PTPRT: variants seen among roughly 807,000 people sequenced by gnomAD.
PTPRT encodes protein tyrosine phosphatase receptor type T.
PTPRT carries 56 observed loss-of-function variants against 176.8 expected under a neutral mutation model. That is an observed-to-expected ratio of 0.32 (90% CI 0.26 to 0.40). PTPRT has a LOEUF of 0.40. PTPRT is among the 10% of genes least tolerant of loss of function. The pLI is 1.00. For synonymous variants in PTPRT, 783 were observed against 739.0 expected (o/e 1.06, Z -0.96); for missense variants, 1,540 against 1,908.2 (o/e 0.81, Z 3.60).
At chr20:42,740,720 G>T (rs925167801) in intron 6 of PTPRT, among the ~76,000 whole-genome samples, 1 of 152,200 alleles carries the variant, frequency 6.6e-6, no homozygotes, top group African/African-American at 2.4e-5. Flanking sequence ...GAAATGAGCT[G>T]TGCAAACAGG....
At chr20:42,636,952 A>G (rs1416344797) in intron 7 of PTPRT, among the ~76,000 whole-genome samples, 1 of 152,066 alleles carries the variant, frequency 6.6e-6, no homozygotes, top group African/African-American at 2.4e-5. Context: ...GTTGATATAT[A>G]TGATGAAATA....
At chr20:42,272,141 G>C (rs2056946980) in intron 13 of PTPRT, among the ~76,000 whole-genome samples, 1 of 151,876 alleles carries the variant, frequency 6.6e-6, no homozygotes, top group Non-Finnish European at 1.5e-5. Context: ...TAATGGTGGG[G>C]AAAAAAATGA....
chr20:43,093,748 G>A lies in PTPRT; in HGVS notation c.88+95898C>T, dbSNP rs545794745. On this transcript the variant is annotated intron_variant, in intron 1 of 30. Transcript: ENST00000373187. Reference sequence around the variant, plus strand: ...CCCTAACCATGGCCCTGGAGATGCAGGTGATCTGGCCCCTGTCCCACTCTT... The same window carrying A: ...CCCTAACCATGGCCCTGGAGATGCAAGTGATCTGGCCCCTGTCCCACTCTT... Among the ~76,000 whole-genome samples the A allele has an allele frequency of 2.0e-5, 3 of 152,274 alleles. No homozygotes were observed. In the East Asian group the frequency reaches 5.8e-4, roughly 29 times the overall value.
intron 6 of PTPRT, among the ~76,000 whole-genome samples, chr20:42,721,081 A>T (rs2076295374): frequency 6.6e-6 from 1 of 152,168 alleles, no homozygotes. Context: ...GCACTCCTCC[A>T]AGGAGGTCAG....
intron 7 of PTPRT, among the ~76,000 whole-genome samples, chr20:42,486,237 G>A (rs1486933302): frequency 6.6e-6 from 1 of 152,160 alleles, no homozygotes; most frequent in Non-Finnish European, 1.5e-5. Flanking sequence ...GCCACCAAAT[G>A]ATACTTCTTC....
intron 1 of PTPRT, among the ~76,000 whole-genome samples, chr20:42,921,890 C>G (rs1979167902): frequency 6.6e-6 from 1 of 152,130 alleles, no homozygotes; most frequent in Non-Finnish European, 1.5e-5. Flanking sequence ...GCATTGATGG[C>G]TCCCTCCTCC....
At chr20:42,710,705 G>A (rs1170396095) in intron 6 of PTPRT, among the ~76,000 whole-genome samples, 2 of 152,236 alleles carry the variant, frequency 1.3e-5, no homozygotes, top group East Asian at 3.9e-4. Context: ...TTCCCCACCA[G>A]GGTACTGCAC....
intron 6 of PTPRT, among the ~76,000 whole-genome samples, chr20:42,690,409 G>A (rs1222017912): frequency 6.6e-6 from 1 of 152,184 alleles, no homozygotes; most frequent in East Asian, 1.9e-4. Context: ...CTCAAGTAAT[G>A]GCCACGGGGC....
At chr20:43,180,776 C>T (rs772131515) in intron 1 of PTPRT, among the ~76,000 whole-genome samples, 2 of 152,044 alleles carry the variant, frequency 1.3e-5, no homozygotes, top group East Asian at 1.9e-4. Flanking sequence ...ATATAATATA[C>T]ATTTAAAATG....
At chr20:42,226,838 C>T (rs1289759548) in intron 15 of PTPRT, among the ~76,000 whole-genome samples, 1 of 152,134 alleles carries the variant, frequency 6.6e-6, no homozygotes, top group Non-Finnish European at 1.5e-5. Flanking sequence ...CTCCCCCAAG[C>T]AGGAGCTATG....
At chr20:42,511,565 CA>C (rs1407153841) in intron 7 of PTPRT, among the ~76,000 whole-genome samples, 12 of 150,812 alleles carry the variant, frequency 8.0e-5, no homozygotes, top group African/African-American at 2.9e-4. Context: ...TATTCCTTTT[CA>C]GTCAATAATT....
At chr20:42,735,926 C>T (rs1600678676) in intron 6 of PTPRT, among the ~76,000 whole-genome samples, 1 of 152,198 alleles carries the variant, frequency 6.6e-6, no homozygotes, top group South Asian at 2.1e-4. Flanking sequence ...GTCACTAAGC[C>T]TCTCTAAGTC....
intron 8 of PTPRT, among the ~76,000 whole-genome samples, chr20:42,460,513 G>A (rs1280140682): frequency 6.6e-6 from 1 of 152,148 alleles, no homozygotes; most frequent in African/African-American, 2.4e-5. Flanking sequence ...GGCCAATAAG[G>A]TTGGGATGTG....
At chr20:43,102,350 C>T (rs138472038) in intron 1 of PTPRT, among the ~76,000 whole-genome samples, 1,694 of 150,638 alleles carry the variant, frequency 0.011, 39 homozygotes, top group African/African-American at 0.04. Flanking sequence ...CCCCAGACAT[C>T]TTTTTAAATG....
intron 2 of PTPRT, among the ~76,000 whole-genome samples, chr20:42,870,465 C>T (rs557962715): frequency 1.2e-4 from 18 of 152,306 alleles, no homozygotes; most frequent in African/African-American, 2.6e-4. Context: ...CTACAATTAA[C>T]GAGTGTGTAA....
chr20:42,971,906 C>T (rs1982661934), intron 1 of PTPRT, among the ~76,000 whole-genome samples: 1 of 152,042 alleles, frequency 6.6e-6, no homozygotes, highest in African/African-American at 2.4e-5. Context: ...TAGCCTTGAA[C>T]AGACAGACAA....
At chr20:42,729,358 G>A (rs919564728) in intron 6 of PTPRT, among the ~76,000 whole-genome samples, 13 of 152,174 alleles carry the variant, frequency 8.5e-5, no homozygotes, top group Admixed American at 3.3e-4. Flanking sequence ...GTAATCAAGG[G>A]TAAAAATAAA....
At chr20:42,089,730 T>C (rs2146150595) in intron 27 of PTPRT, among the ~76,000 whole-genome samples, 1 of 152,328 alleles carries the variant, frequency 6.6e-6, no homozygotes, top group South Asian at 2.1e-4. Context: ...GGTGATGTGC[T>C]GGCAAATGTG....
At chr20:43,068,838 G>T (rs1469101697) in intron 1 of PTPRT, among the ~76,000 whole-genome samples, 3 of 152,188 alleles carry the variant, frequency 2.0e-5, no homozygotes, top group Non-Finnish European at 4.4e-5. Flanking sequence ...GCCATGGAAA[G>T]GGTACAGTCA....
Sources: gnomAD v4.1 joint callset for allele counts (sites outside exome capture counted in the v4.1 genomes callset) on GRCh38, gnomAD v4.1.1 for gene constraint, MANE v1.5 for transcripts, NCBI Gene and HGNC (gene_info 2026-07-23, HGNC 2026-07-21) for gene names.